KRABD2: variants seen among roughly 807,000 people sequenced by gnomAD.
KRABD2 encodes the protein KRAB domain-containing protein 2.
chr17:8,359,798 T>C, the KRABD2 span: 1 of 456,048 alleles, frequency 2.2e-6, no homozygotes, highest in East Asian at 6.9e-5. Flanking sequence ...GTGGCCTGGG[T>C]TCTGTGTTGA....
chr17:8,374,937 CAAAAAAAAAAAAAA>C, the KRABD2 span, among the ~76,000 whole-genome samples: 3 of 46,180 alleles, frequency 6.5e-5, no homozygotes, highest in African/African-American at 3.2e-4. Flanking sequence ...GACTCTGTCA[CAAAAAAAAAAAAAA>C]AAAAAAAAAA....
chr17:8,369,071 A>G, the KRABD2 span: 3 of 1,531,170 alleles, frequency 2.0e-6, no homozygotes, highest in Non-Finnish European at 1.7e-6. Context: ...GGCCTCTGGC[A>G]ACAGTTCTCA....
chr17:8,366,572 C>T, the KRABD2 span, among the ~76,000 whole-genome samples: 10 of 152,170 alleles, frequency 6.6e-5, no homozygotes, highest in East Asian at 1.9e-3. Context: ...ATGTTTCATG[C>T]AGTTACACAA....
chr17:8,372,961 G>A, the KRABD2 span, among the ~76,000 whole-genome samples: 1 of 152,160 alleles, frequency 6.6e-6, no homozygotes, highest in Non-Finnish European at 1.5e-5. This position sits in a 1 kb window ranked among gnomAD's most constrained non-coding sequence, Gnocchi z 4.1. Context: ...ATAATCAAAA[G>A]ATGTAGAATC....
chr17:8,369,902 C>T, the KRABD2 span: 1 of 1,614,220 alleles, frequency 6.2e-7, no homozygotes, highest in Non-Finnish European at 8.5e-7. Context: ...TCTGGTGGCA[C>T]TGTTTACACA....
At chr17:8,372,244 C>G in the KRABD2 span, among the ~76,000 whole-genome samples, 6 of 152,292 alleles carry the variant, frequency 3.9e-5, no homozygotes, top group East Asian at 9.6e-4. This position sits in a 1 kb window ranked among gnomAD's most constrained non-coding sequence, Gnocchi z 4.1. Context: ...TAAGACATTA[C>G]TGATTGTAAA....
the KRABD2 span, among the ~76,000 whole-genome samples, chr17:8,374,201 AAAAG>A: frequency 7.0e-6 from 1 of 142,644 alleles, no homozygotes; most frequent in Non-Finnish European, 1.5e-5. Flanking sequence ...AAATGTGGGG[AAAAG>A]AAAGAGAAAT....
chr17:8,376,491 C>T, the KRABD2 span: 3 of 1,005,120 alleles, frequency 3.0e-6, no homozygotes, highest in Non-Finnish European at 3.6e-6. Context: ...TGGGATGTCG[C>T]CTCCTTTGTG....
At chr17:8,372,599 C>T in the KRABD2 span, among the ~76,000 whole-genome samples, 2 of 152,348 alleles carry the variant, frequency 1.3e-5, no homozygotes, top group East Asian at 1.9e-4. The surrounding 1 kb of genome is among the most constrained non-coding windows in gnomAD (Gnocchi z 4.1). Flanking sequence ...GCCGGTCCTA[C>T]TAGTTCTAAC....
the KRABD2 span, chr17:8,371,685 C>T: frequency 2.1e-6 from 3 of 1,397,250 alleles, no homozygotes; most frequent in South Asian, 1.8e-5. Context: ...AGTTTTGACG[C>T]TGCCAGAGCT....
chr17:8,360,952 G>A, the KRABD2 span, among the ~76,000 whole-genome samples: 1 of 152,148 alleles, frequency 6.6e-6, no homozygotes, highest in African/African-American at 2.4e-5. Flanking sequence ...AAGAATGTAA[G>A]TCTGAGCTTC....
chr17:8,371,851 G>C, the KRABD2 span: 1 of 1,038,542 alleles, frequency 9.6e-7, no homozygotes, highest in African/African-American at 1.7e-5. Flanking sequence ...CTGCAGAAAA[G>C]AGATACCCCA....
chr17:8,372,378 TG>T, the KRABD2 span, among the ~76,000 whole-genome samples: 4 of 152,220 alleles, frequency 2.6e-5, no homozygotes, highest in African/African-American at 9.6e-5. The surrounding 1 kb of genome is among the most constrained non-coding windows in gnomAD (Gnocchi z 4.1). Context: ...TTTCTTTTTT[TG>T]TATTTTTTTA....
the KRABD2 span, among the ~76,000 whole-genome samples, chr17:8,368,122 AAGTTCAGGTCCCT>A: frequency 1.3e-5 from 2 of 151,946 alleles, no homozygotes; most frequent in African/African-American, 4.8e-5. Flanking sequence ...AAATAAGTTC[AAGTTCAGGTCCCT>A]AGTACCTGTG....
the KRABD2 span, chr17:8,369,373 A>G: frequency 9.9e-6 from 16 of 1,614,254 alleles, no homozygotes; most frequent in Middle Eastern, 6.6e-4. Context: ...TTGGCTTTAT[A>G]GCCAAACATT....
chr17:8,375,504 C>G, the KRABD2 span, among the ~76,000 whole-genome samples: 102,365 of 151,332 alleles, frequency 0.68, 34,990 homozygotes, highest in African/African-American at 0.73. Context: ...CACTCCTGCA[C>G]ATTTCTAAGC....
At chr17:8,359,750 C>G in the KRABD2 span, 2 of 456,008 alleles carry the variant, frequency 4.4e-6, no homozygotes, top group Admixed American at 4.7e-5. Flanking sequence ...GGCAGAAAGG[C>G]AGGGTTTCAG....
At chr17:8,362,191 G>A in the KRABD2 span, among the ~76,000 whole-genome samples, 3 of 152,112 alleles carry the variant, frequency 2.0e-5, no homozygotes, top group African/African-American at 4.8e-5. The surrounding 1 kb of genome is among the most constrained non-coding windows in gnomAD (Gnocchi z 4.2). Context: ...ATAGCCGGGC[G>A]TGTTGGCGGG....
chr17:8,376,545 A>T, the KRABD2 span: 1 of 988,218 alleles, frequency 1.0e-6, no homozygotes, highest in South Asian at 4.7e-5. Flanking sequence ...CACCGCCTGG[A>T]TCCATGCCCG....
Sources: allele counts gnomAD v4.1 joint callset (sites outside exome capture counted in the v4.1 genomes callset), GRCh38; gene constraint gnomAD v4.1.1; non-coding constraint Gnocchi (gnomAD v3.1); transcripts MANE v1.5; gene names NCBI Gene and HGNC (gene_info 2026-07-23, HGNC 2026-07-21).